ANKS1B: variants seen among roughly 807,000 people sequenced by gnomAD.
ANKS1B encodes ankyrin repeat and sterile alpha motif domain-containing protein 1B.
In ANKS1B, 36 loss-of-function variants were observed where a neutral mutation model predicts 148.3. The ratio of observed to expected loss-of-function variants is 0.24; its 90% CI spans 0.19 to 0.32. The LOEUF is 0.32. Among genes scored for constraint, ANKS1B ranks in the 10% least tolerant of loss-of-function variants. The probability of loss-of-function intolerance (pLI) is 1.00; values close to 1 mark genes in which losing one functional copy is unlikely to be tolerated. For synonymous variants in ANKS1B, 542 were observed against 560.8 expected (o/e 0.97, Z 0.47); for missense variants, 1,157 against 1,542.6 (o/e 0.75, Z 4.19).
chr12:99,591,975 T>C (rs981474918), intron 9 of ANKS1B, among the ~76,000 whole-genome samples: 2 of 152,188 alleles, frequency 1.3e-5, no homozygotes, highest in Non-Finnish European at 2.9e-5. Context: ...GCTTCTATGA[T>C]AACATTTCAG....
At chr12:99,653,767 C>T (rs2098436965) in intron 9 of ANKS1B, among the ~76,000 whole-genome samples, 1 of 149,680 alleles carries the variant, frequency 6.7e-6, no homozygotes, top group African/African-American at 2.5e-5. Flanking sequence ...AATGCAGCCT[C>T]AACCTCCCAT....
intron 12 of ANKS1B, among the ~76,000 whole-genome samples, chr12:99,301,354 T>A (rs75268962): frequency 6.6e-6 from 1 of 152,084 alleles, no homozygotes; most frequent in Non-Finnish European, 1.5e-5. Flanking sequence ...AAATTAACCA[T>A]TACACCAGAG....
intron 14 of ANKS1B, among the ~76,000 whole-genome samples, chr12:99,231,736 C>T (rs1383717020): frequency 2.0e-5 from 3 of 151,990 alleles, no homozygotes; most frequent in African/African-American, 7.2e-5. Flanking sequence ...TGACAAAGTA[C>T]CTCCTGATGC....
At chr12:98,735,480 A>C (rs571316387) in exon 10 of ANKS1B, 1 of 551,608 alleles carries the variant, frequency 1.8e-6, no homozygotes, top group Non-Finnish European at 3.4e-6. Context: ...TGTTGATTAG[A>C]CCACTAAAGT....
At chr12:99,583,957 T>A (rs2097596397) in intron 9 of ANKS1B, among the ~76,000 whole-genome samples, 2 of 152,220 alleles carry the variant, frequency 1.3e-5, no homozygotes, top group Non-Finnish European at 2.9e-5. Flanking sequence ...AATGTTAGAG[T>A]TGGCCTCTTG....
intron 13 of ANKS1B, among the ~76,000 whole-genome samples, chr12:99,245,604 T>C (rs1039301805): frequency 6.6e-6 from 1 of 152,244 alleles, no homozygotes; most frequent in African/African-American, 2.4e-5. Context: ...ACTATAATGA[T>C]CTATTGTGCT....
At chr12:99,168,029 G>A (rs1411903032) in intron 14 of ANKS1B, among the ~76,000 whole-genome samples, 5 of 152,156 alleles carry the variant, frequency 3.3e-5, no homozygotes, top group African/African-American at 1.2e-4. Context: ...ACAGATCAAT[G>A]GCTCCTTGGG....
At chr12:99,111,328 C>T (rs1216755489) in intron 15 of ANKS1B, among the ~76,000 whole-genome samples, 1 of 152,164 alleles carries the variant, frequency 6.6e-6, no homozygotes, top group Non-Finnish European at 1.5e-5. Flanking sequence ...CAGGTCCTCA[C>T]TATTTGGCTT....
At chr12:98,771,152 C>T (rs2098558624) in intron 25 of ANKS1B, among the ~76,000 whole-genome samples, 2 of 151,944 alleles carry the variant, frequency 1.3e-5, no homozygotes, top group African/African-American at 4.8e-5. Flanking sequence ...TGGTGTAATC[C>T]CATAAGGATG....
At chr12:99,088,856 T>TTG (rs1478941356) in intron 15 of ANKS1B, among the ~76,000 whole-genome samples, 1 of 143,432 alleles carries the variant, frequency 7.0e-6, no homozygotes, top group Non-Finnish European at 1.5e-5. Flanking sequence ...TTTTTTTTTT[T>TTG]TTTTTTGAGA....
intron 22 of ANKS1B, among the ~76,000 whole-genome samples, chr12:98,797,746 A>G (rs1023364723): frequency 3.3e-5 from 5 of 152,222 alleles, no homozygotes; most frequent in African/African-American, 1.2e-4. Context: ...TTAGCTTTCC[A>G]TAAACAATGG....
intron 9 of ANKS1B, among the ~76,000 whole-genome samples, chr12:99,582,350 A>T (rs963230973): frequency 2.6e-5 from 4 of 151,346 alleles, no homozygotes; most frequent in African/African-American, 4.8e-5. Flanking sequence ...GTATTTTTTA[A>T]AAAAAAAAGA....
At chr12:99,160,919 C>T (rs2076594712) in intron 14 of ANKS1B, among the ~76,000 whole-genome samples, 6 of 152,092 alleles carry the variant, frequency 3.9e-5, no homozygotes, top group Admixed American at 3.9e-4. Context: ...GTACCAGTAC[C>T]ATGCTATTTT....
At chr12:99,749,674 G>A (rs1258411660) in intron 8 of ANKS1B, among the ~76,000 whole-genome samples, 6 of 151,860 alleles carry the variant, frequency 4.0e-5, no homozygotes, top group Non-Finnish European at 7.4e-5. Flanking sequence ...TTTTATCACC[G>A]GACCTAAAGT....
At chr12:99,427,375 T>C (rs894865117) in intron 11 of ANKS1B, among the ~76,000 whole-genome samples, 1 of 152,188 alleles carries the variant, frequency 6.6e-6, no homozygotes, top group Non-Finnish European at 1.5e-5. Context: ...TCCAAGTTCA[T>C]GTCTTCATCT....
At chr12:98,811,397 C>T (rs904012229) in intron 19 of ANKS1B, among the ~76,000 whole-genome samples, 5 of 152,122 alleles carry the variant, frequency 3.3e-5, no homozygotes, top group Admixed American at 6.5e-5. Flanking sequence ...AGTAGAAGGG[C>T]GGGCTGCTCT....
At chr12:99,135,062 C>A (rs2067551467) in intron 15 of ANKS1B, among the ~76,000 whole-genome samples, 1 of 152,076 alleles carries the variant, frequency 6.6e-6, no homozygotes, top group African/African-American at 2.4e-5. Flanking sequence ...AAATAACTAA[C>A]CTCTAACTGG....
intron 9 of ANKS1B, among the ~76,000 whole-genome samples, chr12:99,559,390 T>G (rs781282949): frequency 6.6e-6 from 1 of 152,206 alleles, no homozygotes; most frequent in Non-Finnish European, 1.5e-5. Context: ...CAAATACTTG[T>G]TCTAGACCTC....
intron 25 of ANKS1B, among the ~76,000 whole-genome samples, chr12:98,772,699 G>A (rs1277360223): frequency 2.0e-5 from 3 of 152,134 alleles, no homozygotes; most frequent in Non-Finnish European, 2.9e-5. Context: ...TGGGAATTAT[G>A]GGAGCTACAA....
Sources: gnomAD v4.1 joint callset for allele counts (sites outside exome capture counted in the v4.1 genomes callset) on GRCh38, gnomAD v4.1.1 for gene constraint, MANE v1.5 for transcripts, NCBI Gene and HGNC (gene_info 2026-07-23, HGNC 2026-07-21) for gene names.